The following NR1I3 variants were observed in gnomAD, a reference collection of about 807,000 sequenced individuals.
NR1I3 encodes constitutive activator of retinoid response.
A neutral mutation model predicts 38.4 loss-of-function variants in NR1I3; 30 were observed. The observed-to-expected ratio is 0.78, with a 90% CI of 0.58 to 1.06. The LOEUF (loss-of-function observed/expected upper bound fraction) is 1.06, where lower values mean the gene tolerates loss of function less well. Among genes scored for constraint, NR1I3 ranks in the 50% least tolerant of loss-of-function variants. NR1I3 has a pLI of 0.00. For missense variants in NR1I3, 388 were observed against 435.7 expected, an observed-to-expected ratio of 0.89 and a Z score of 0.97; for synonymous variants, 143 against 165.1, an observed-to-expected ratio of 0.87 and a Z score of 1.03.
chr1:161,232,827 A>G lies in NR1I3; in HGVS notation c.528T>C (p.Thr176=). ...CTCACCGGAAGACGGGCAGGTCCTT[A>G]GTAAACTTGATGACTTGCAGTACCA... is the stretch of plus-strand genomic sequence containing the variant. ...TFMVLQVIKF[T]KDLPVFRSLP... Residue 176 remains threonine, a synonymous_variant, in exon 5 of 9, where the codon ACT becomes ACC. Coordinates refer to ENST00000367983, the MANE Select transcript of NR1I3 (RefSeq NM_005122.5). 2 of 1,614,248 alleles carry G rather than the reference A, an allele frequency of 1.2e-6. No homozygotes were observed. Among genetic ancestry groups the G allele is most frequent in the Non-Finnish European group, 1.7e-6 (2 of 1,180,038 alleles).
rs1299098122 is a variant in NR1I3, at chr1:161,233,264, G to C, written c.313C>G (p.Gln105Glu). Residue 105 changes from glutamine to glutamate, a missense_variant, in exon 4 of 9, where the codon CAA becomes GAA. By Grantham distance (29) the Gln-to-Glu change is conservative. Transcript: ENST00000367983. ...AQRRAQQTPV[Q>E]LSKEQEELIR... ...AGCTCTTCTTGCTCCTTACTCAGTT[G>C]CACAGGTGTTTGCTGTGCCCGCCGC... 2 of 1,613,978 alleles carry C rather than the reference G, an allele frequency of 1.2e-6. No individual in the cohort carries two copies. The highest frequency in any genetic ancestry group is 1.3e-5 in the African/African-American group (1 of 74,914).
intron 3 of NR1I3, among the ~76,000 whole-genome samples, chr1:161,234,750 TG>T (rs1409678337): frequency 6.6e-6 from 1 of 152,208 alleles, no homozygotes; most frequent in Non-Finnish European, 1.5e-5. Flanking sequence ...TTAACTTCCG[TG>T]AGCCCCAGTT....
At chr1:161,237,206 CT>C (rs113293798) in intron 1 of NR1I3, among the ~76,000 whole-genome samples, 2,112 of 137,272 alleles carry the variant, frequency 0.015, 49 homozygotes, top group African/African-American at 0.046. Flanking sequence ...CCTTTCTTTC[CT>C]TTTTTTTTTT....
chr1:161,237,951 T>G, intron 1 of NR1I3, 90 bp downstream of exon 1: 2 of 1,330,674 alleles, frequency 1.5e-6, no homozygotes, highest in South Asian at 2.3e-5. Context: ...CCCAAAGTGC[T>G]GGAATGACAC....
In NR1I3 at chr1:161,236,500, G is replaced by A; in HGVS notation, c.66C>T (p.His22=). The A allele has an allele frequency of 6.2e-7, 1 of 1,614,196 alleles. No homozygotes were observed. The highest frequency in any genetic ancestry group is 8.5e-7 in the Non-Finnish European group (1 of 1,180,040). Reference sequence around the variant, plus strand: ...AGCCCTCACAAGTCAGCGCATTAAAGTGGTAGCCTGTGGCTTGGTCCCCAC... The same window carrying A: ...AGCCCTCACAAGTCAGCGCATTAAAATGGTAGCCTGTGGCTTGGTCCCCAC... ...VVCGDQATGY[H]FNALTCEGCK... is the part of the protein sequence containing the mutation. Residue 22 remains histidine (H), a synonymous_variant, in exon 2 of 9, where the codon CAC becomes CAT. Transcript: ENST00000367983.
chr1:161,237,889 AC>A, intron 1 of NR1I3, 151 bp downstream of exon 1: 1 of 702,724 alleles, frequency 1.4e-6, no homozygotes, highest in Non-Finnish European at 2.5e-6. Context: ...CTGTTATGTA[AC>A]CCAGGTTGGT....
At chr1:161,237,984 C>G in intron 1 of NR1I3, 57 bp downstream of exon 1, 2 of 1,527,430 alleles carry the variant, frequency 1.3e-6, no homozygotes, top group Non-Finnish European at 1.8e-6. Flanking sequence ...ATGCCTAGCC[C>G]CCAGCATTAT....
intron 3 of NR1I3, among the ~76,000 whole-genome samples, chr1:161,233,949 GTATATA>G (rs1668017057): frequency 1.4e-5 from 2 of 144,012 alleles, no homozygotes; most frequent in Non-Finnish European, 3.1e-5. Flanking sequence ...GTATATATGT[GTATATA>G]TGTGTATATA....
rs780564353 is a variant in NR1I3, at chr1:161,229,734, A to G, written c.*63T>C. The G allele has an allele frequency of 2.5e-6, 4 of 1,614,008 alleles. No individual in the cohort carries two copies. The highest frequency in any genetic ancestry group is 3.4e-6 in the Non-Finnish European group (4 of 1,180,034). On this transcript the variant is annotated 3_prime_UTR_variant, in exon 9 of 9. Coordinates refer to ENST00000367983, the MANE Select transcript of NR1I3 (RefSeq NM_005122.5). ...ACCCGGCCCAATCTTTGGTCCCAGC[A>G]TTTTCCCACTCCAGTGTATCCAGGG...
chr1:161,230,128 AC>A, intron 8 of NR1I3: 1 of 588,584 alleles, frequency 1.7e-6, no homozygotes, highest in Non-Finnish European at 2.9e-6. Flanking sequence ...GTCTTCTCTC[AC>A]CATGCTCAGT....
At chr1:161,233,405 T>G in intron 3 of NR1I3, 67 bp from the exon 4 acceptor site, 1 of 1,549,154 alleles carries the variant, frequency 6.5e-7, no homozygotes, top group Non-Finnish European at 8.8e-7. Flanking sequence ...TGCTGGTCCC[T>G]GATCTGGGGC....
chr1:161,232,266 A>G (rs560283781), intron 5 of NR1I3, among the ~76,000 whole-genome samples: 33 of 151,620 alleles, frequency 2.2e-4, no homozygotes, highest in African/African-American at 7.5e-4. Context: ...GATTACAGGC[A>G]TGAGCCACCG....
Position 161,231,364 on chromosome 1 carries a change from C to T in NR1I3, c.659G>A (p.Gly220Glu). 1 of 1,563,756 alleles carries T rather than the reference C, an allele frequency of 6.4e-7. No individual in the cohort carries two copies. The highest frequency in any genetic ancestry group is 8.6e-7 in the Non-Finnish European group (1 of 1,158,496). ...FCLQTQNFLCGPLRYTIEDGA... is the reference protein window; with the variant it reads ...FCLQTQNFLCEPLRYTIEDGA... Reference sequence around the variant, plus strand: ...ATCTTCAATTGTGTAGCGAAGAGGCCCGCAGAGGAAGTTTTGTGTTTGGAG... The same window carrying T: ...ATCTTCAATTGTGTAGCGAAGAGGCTCGCAGAGGAAGTTTTGTGTTTGGAG... The change falls in exon 6 of 9, where the codon GGG (glycine) becomes GAG (glutamate). Residue 220 changes from glycine to glutamate, a missense_variant. Physicochemically the swap from Gly to Glu is moderately conservative, Grantham distance 98. Transcript: ENST00000367983.
At chr1:161,231,265 G>T in intron 6 of NR1I3, 32 bp from the exon 7 acceptor site, 1 of 1,613,920 alleles carries the variant, frequency 6.2e-7, no homozygotes, top group Non-Finnish European at 8.5e-7. Flanking sequence ...GGAGCCTCTA[G>T]GTCACCTGAC....
At chr1:161,233,780 A>G (rs1571721218) in intron 3 of NR1I3, among the ~76,000 whole-genome samples, 1 of 151,188 alleles carries the variant, frequency 6.6e-6, no homozygotes, top group African/African-American at 2.4e-5. Flanking sequence ...TCTGAGGTTA[A>G]ATCCCACTGA....
intron 8 of NR1I3, chr1:161,230,562 G>A (rs1202324367): frequency 1.7e-6 from 1 of 585,988 alleles, no homozygotes; most frequent in East Asian, 2.9e-5. Flanking sequence ...GAGCCTCTGA[G>A]CTACTACTTT....
chr1:161,236,468 C>T lies in NR1I3; in HGVS notation c.98G>A (p.Gly33Asp), dbSNP rs1668620203. The T allele has an allele frequency of 1.2e-6, 2 of 1,614,122 alleles. No individual in the cohort carries two copies. Among genetic ancestry groups the T allele is most frequent in the Non-Finnish European group, 1.7e-6 (2 of 1,180,008 alleles). The change falls in exon 2 of 9, where the codon GGT becomes GAT. Residue 33 changes from glycine (G) to aspartate (D), a missense_variant. By Grantham distance (94) the Gly-to-Asp change is moderately conservative. Coordinates refer to ENST00000367983, the MANE Select transcript of NR1I3 (RefSeq NM_005122.5). ...FNALTCEGCK[G>D]FFRRTVSKSI... Reference sequence around the variant, plus strand: ...GGGAGGAGACTCTCACCTGAAGAAACCCTTGCAGCCCTCACAAGTCAGCGC... The same window carrying T: ...GGGAGGAGACTCTCACCTGAAGAAATCCTTGCAGCCCTCACAAGTCAGCGC...
intron 3 of NR1I3, among the ~76,000 whole-genome samples, chr1:161,234,605 C>G (rs1668196023): frequency 6.6e-6 from 1 of 152,172 alleles, no homozygotes; most frequent in African/African-American, 2.4e-5. Flanking sequence ...GGACATCTCA[C>G]TCTGTTGACC....
chr1:161,235,478 C>T (rs558246082), intron 3 of NR1I3: 5 of 197,020 alleles, frequency 2.5e-5, no homozygotes, highest in Admixed American at 5.5e-5. Context: ...CTGTGTTAGC[C>T]AGAATGGTCT....
Sources: allele counts gnomAD v4.1 joint callset (sites outside exome capture counted in the v4.1 genomes callset), GRCh38; gene constraint gnomAD v4.1.1; transcripts MANE v1.5; gene names NCBI Gene and HGNC (gene_info 2026-07-23, HGNC 2026-07-21).